ZNF568: variants seen among roughly 807,000 people sequenced by gnomAD.
ZNF568 encodes the protein zinc finger protein 568, also known as p53 inhibitor of SCO2 activation.
In ZNF568, 11 loss-of-function variants were observed where a neutral mutation model predicts 18.1. The observed-to-expected ratio is 0.61, with a 90% CI of 0.38 to 1.00. The LOEUF is 1.00. ZNF568 is among the 50% of genes least tolerant of loss of function. The pLI, the probability that ZNF568 is intolerant of heterozygous loss-of-function variation, is 0.01. For missense variants in ZNF568, 639 were observed against 768.2 expected, an observed-to-expected ratio of 0.83 and a Z score of 1.99; for synonymous variants, 213 against 246.6, an observed-to-expected ratio of 0.86 and a Z score of 1.28.
intron 4 of ZNF568, among the ~76,000 whole-genome samples, chr19:36,930,455 C>T (rs1241081862): frequency 2.0e-5 from 3 of 152,040 alleles, no homozygotes; most frequent in African/African-American, 7.2e-5. Flanking sequence ...GTGATCCGCC[C>T]GCCTCGGCCT....
At chr19:36,935,129 G>A (rs1328541187) in intron 4 of ZNF568, among the ~76,000 whole-genome samples, 2 of 152,102 alleles carry the variant, frequency 1.3e-5, no homozygotes, top group Non-Finnish European at 2.9e-5. Flanking sequence ...CTATCTTGGA[G>A]AGTGCTCTAT....
At chr19:36,959,685 C>T (rs777157021) in intron 6 of ZNF568, among the ~76,000 whole-genome samples, 1 of 152,160 alleles carries the variant, frequency 6.6e-6, no homozygotes, top group African/African-American at 2.4e-5. Context: ...AATCTCACTA[C>T]TTAGTGGTCT....
chr19:36,962,277 G>GTTATTTTTTTTTTTTTTT (rs1555736279), intron 6 of ZNF568, among the ~76,000 whole-genome samples: 1 of 45,266 alleles, frequency 2.2e-5, no homozygotes. Flanking sequence ...GTGTTGCAGT[G>GTTATTTTTTTTTTTTTTT]TTTTTTTTTT....
At chr19:36,994,017 G>GT (rs998787955) in intron 4 of ZNF568, among the ~76,000 whole-genome samples, 23 of 133,192 alleles carry the variant, frequency 1.7e-4, no homozygotes, top group African/African-American at 2.8e-4. Context: ...AGATATCTCT[G>GT]TTTTTTTTTC....
chr19:36,979,952 T>C (rs1266486625), downstream of ZNF568: 1 of 152,238 alleles, frequency 6.6e-6, no homozygotes, highest in East Asian at 1.9e-4. Context: ...CAAATTTGCA[T>C]ATTTTGGTAC....
chr19:36,949,472 G>A, intron 6 of ZNF568, 40 bp from the exon 7 acceptor site: 1 of 1,524,294 alleles, frequency 6.6e-7, no homozygotes, highest in South Asian at 1.3e-5. Flanking sequence ...TCTAGTGGTA[G>A]AATAATTCAC....
intron 6 of ZNF568, among the ~76,000 whole-genome samples, chr19:36,942,058 A>G (rs1168432749): frequency 6.8e-6 from 1 of 146,764 alleles, no homozygotes; most frequent in African/African-American, 2.5e-5. Flanking sequence ...ATCTTTGCTC[A>G]CTGCAGCTCT....
chr19:36,971,818 C>A (rs1044467674), intron 6 of ZNF568, among the ~76,000 whole-genome samples: 2 of 144,118 alleles, frequency 1.4e-5, no homozygotes, highest in Non-Finnish European at 3.0e-5. Context: ...ATTACAGGCG[C>A]GAGCCACTGC....
At chr19:36,967,926 A>C (rs1055771105) in intron 6 of ZNF568, among the ~76,000 whole-genome samples, 3 of 152,238 alleles carry the variant, frequency 2.0e-5, no homozygotes, top group Non-Finnish European at 4.4e-5. Flanking sequence ...AACACTGGGC[A>C]TGAAGGAGAA....
downstream of ZNF568, among the ~76,000 whole-genome samples, chr19:36,957,061 A>C (rs1010408959): frequency 2.6e-5 from 4 of 152,134 alleles, no homozygotes; most frequent in Non-Finnish European, 5.9e-5. Context: ...AATTACTTAA[A>C]AGTAGACAGC....
intron 2 of ZNF568, among the ~76,000 whole-genome samples, chr19:36,989,826 G>A (rs1346771345): frequency 5.9e-5 from 9 of 152,232 alleles, no homozygotes; most frequent in African/African-American, 2.2e-4. Flanking sequence ...GATGACAAGA[G>A]TGAGCCACTA....
rs967271385 is a variant in ZNF568 at position 36,949,972 on chromosome 19, T to C, written c.819T>C (p.Thr273=). ...ENLITHQKIH[T]GEKPYKCNEC... ...TTATTACACATCAGAAAATTCATACTGGGGAAAAACCGTATAAGTGTAATG... is the reference window on the plus strand; with the variant it reads ...TTATTACACATCAGAAAATTCATACCGGGGAAAAACCGTATAAGTGTAATG... The change falls in exon 7 of 7, where the codon ACT becomes ACC. Residue 273 remains threonine, a synonymous_variant. Coordinates refer to ENST00000333987, the MANE Select transcript of ZNF568 (RefSeq NM_198539.4). The C allele has an allele frequency of 9.9e-6, 16 of 1,613,718 alleles. No homozygotes were observed. The East Asian group carries it at 3.6e-4, about 36-fold the overall frequency.
At chr19:36,985,746 C>T (rs2074371074) in intron 2 of ZNF568, among the ~76,000 whole-genome samples, 1 of 152,184 alleles carries the variant, frequency 6.6e-6, no homozygotes. Flanking sequence ...TGGTCTCGAA[C>T]CCCTGACCTC....
Position 36,950,257 on chromosome 19 carries a change from T to C in ZNF568, c.1104T>C (p.Gly368=), listed in dbSNP as rs1207973108. The C allele has an allele frequency of 4.3e-6, 7 of 1,613,698 alleles. No individual in the cohort carries two copies. Among genetic ancestry groups the C allele is most frequent in the Non-Finnish European group, 5.9e-6 (7 of 1,179,944 alleles). Residue 368 remains glycine (G), a synonymous_variant, in exon 7 of 7, where the codon GGT becomes GGC. Transcript: ENST00000333987. ...GEKPYACNEC[G]RAFSRMSSVT... is the part of the protein sequence containing the mutation. Reference sequence around the variant, plus strand: ...AACCTTATGCATGTAATGAATGTGGTAGAGCTTTTTCTCGAATGTCATCTG... The same window carrying C: ...AACCTTATGCATGTAATGAATGTGGCAGAGCTTTTTCTCGAATGTCATCTG...
rs2074044006 is a variant in ZNF568, at chr19:36,950,635, A to G, written c.1482A>G (p.Arg494=). Residue 494 remains arginine, a synonymous_variant, in exon 7 of 7, where the codon AGA becomes AGG. Coordinates refer to ENST00000333987, the MANE Select transcript of ZNF568 (RefSeq NM_198539.4). The part of the protein sequence containing the change: ...IQMSNLIRHQ[R]IHTGEKPYAC... ...TGTCAAACCTCATTCGACACCAGAG[A>G]ATTCATACGGGTGAGAAACCCTATG... 1.2e-6 allele frequency: 2 copies of G among 1,613,896 alleles called. No homozygotes were observed. The highest frequency in any genetic ancestry group is 1.3e-5 in the African/African-American group (1 of 74,922).
downstream of ZNF568, among the ~76,000 whole-genome samples, chr19:36,956,215 G>A (rs1467528090): frequency 6.6e-6 from 1 of 152,194 alleles, no homozygotes; most frequent in Non-Finnish European, 1.5e-5. Flanking sequence ...TGAGGCACTT[G>A]TGCTGCCAAC....
At chr19:36,979,617 A>T (rs1231914524) in exon 8 of ZNF568, 1 of 152,230 alleles carries the variant, frequency 6.6e-6, no homozygotes, top group Non-Finnish European at 1.5e-5. Flanking sequence ...AGATCCATTC[A>T]CATTGCAAAC....
chr19:36,983,420 C>T (rs759828096), downstream of ZNF568, among the ~76,000 whole-genome samples: 12 of 152,288 alleles, frequency 7.9e-5, no homozygotes, highest in African/African-American at 2.4e-4. Flanking sequence ...ATCCTCCCCC[C>T]GCCCATAAGG....
At chr19:36,970,113 C>T (rs575903929) in intron 6 of ZNF568, among the ~76,000 whole-genome samples, 1 of 124,286 alleles carries the variant, frequency 8.0e-6, no homozygotes, top group Non-Finnish European at 1.7e-5. Context: ...CCTCTTTTGC[C>T]ATGTAAGATA....
Sources: allele counts gnomAD v4.1 joint callset (sites outside exome capture counted in the v4.1 genomes callset), GRCh38; gene constraint gnomAD v4.1.1; transcripts MANE v1.5; gene names NCBI Gene and HGNC (gene_info 2026-07-23, HGNC 2026-07-21).